The following FKTN variants were observed in gnomAD, a reference collection of about 807,000 sequenced individuals.
The protein encoded by FKTN is ribitol-5-phosphate transferase FKTN.
A neutral mutation model predicts 58.6 loss-of-function variants in FKTN; 47 were observed. That is an observed-to-expected ratio of 0.80 (90% confidence interval 0.63 to 1.02). The LOEUF (loss-of-function observed/expected upper bound fraction) is 1.02, where lower values mean the gene tolerates loss of function less well. FKTN is among the 50% of genes least tolerant of loss of function. The pLI is 0.00. For synonymous variants in FKTN, 178 were observed against 191.9 expected, an observed-to-expected ratio of 0.93 and a Z score of 0.60; for missense variants, 516 against 537.3, an observed-to-expected ratio of 0.96 and a Z score of 0.39.
chr9:105,618,736 G>C (rs1382427467), intron 9 of FKTN, among the ~76,000 whole-genome samples: 1 of 152,098 alleles, frequency 6.6e-6, no homozygotes, highest in East Asian at 1.9e-4. Flanking sequence ...TTCTTAATTT[G>C]CTTGTCCCCT....
chr9:105,638,884 T>C lies in FKTN; in HGVS notation c.*3620T>C, dbSNP rs1834239253. The C allele has an allele frequency of 1.0e-6, 1 of 985,096 alleles. No individual in the cohort carries two copies. Among genetic ancestry groups the C allele is most frequent in the African/African-American group, 1.7e-5 (1 of 57,208 alleles). 61.0% of individuals were successfully genotyped at this position (985,096 alleles called of 1,614,324 possible). Reference sequence around the variant, plus strand: ...CGACTACAGTACTTCAAATGGCACATAGATAGGCAGGATATTACATAGGTA... The same window carrying C: ...CGACTACAGTACTTCAAATGGCACACAGATAGGCAGGATATTACATAGGTA... On this transcript the variant is annotated 3_prime_UTR_variant, in exon 11 of 11. Coordinates refer to ENST00000357998, the MANE Select transcript of FKTN (RefSeq NM_001079802.2).
chr9:105,620,110 T>G (rs958841363), intron 10 of FKTN, 49 bp downstream of exon 10: 4 of 1,501,476 alleles, frequency 2.7e-6, no homozygotes, highest in Non-Finnish European at 3.7e-6. Context: ...AGAAATAATT[T>G]CAGGAGGTAG....
intron 3 of FKTN, among the ~76,000 whole-genome samples, chr9:105,590,742 G>A: frequency 6.6e-6 from 1 of 152,186 alleles, no homozygotes; most frequent in East Asian, 1.9e-4. Flanking sequence ...TAAGTTTAAG[G>A]TGCTATGTTA....
At position 105,638,373 on chromosome 9, in the gene FKTN, T is replaced by G; in HGVS notation, c.*3109T>G. On this transcript the variant is annotated 3_prime_UTR_variant, in exon 11 of 11. Coordinates refer to ENST00000357998, the MANE Select transcript of FKTN (RefSeq NM_001079802.2). ...TTTTCTAGTTCAGAATTCAGAATTC[T>G]TAGGCAACCTTCATACCTTTATCTG... 2.0e-5 allele frequency: 20 copies of G among 985,434 alleles called. No individual in the cohort carries two copies. Among genetic ancestry groups the G allele is most frequent in the Non-Finnish European group, 2.4e-5 (20 of 829,924 alleles). 61.0% of individuals were successfully genotyped at this position (985,434 alleles called of 1,614,324 possible). A position where few individuals can be genotyped will look rare whatever the true frequency, so the allele number is the denominator to read the frequency against.
Position 105,566,235 on chromosome 9 carries a change from A to C in FKTN, c.-180-7420A>C, listed in dbSNP as rs891966441. Among the ~76,000 whole-genome samples the C allele has an allele frequency of 6.6e-5, 10 of 152,194 alleles. No homozygotes were observed. In the East Asian group the frequency reaches 9.6e-4, roughly 15 times the overall value. ...ATTGACACCCTAACATCACAATTAAAAGAACTAGAGAAGCAAGAGCAAACA... is the reference window on the plus strand; with the variant it reads ...ATTGACACCCTAACATCACAATTAACAGAACTAGAGAAGCAAGAGCAAACA... On this transcript the variant is annotated intron_variant, in intron 1 of 10. Transcript: ENST00000357998.
intron 3 of FKTN, among the ~76,000 whole-genome samples, chr9:105,582,110 C>T (rs1448036278): frequency 1.3e-5 from 2 of 152,196 alleles, no homozygotes; most frequent in Non-Finnish European, 2.9e-5. Flanking sequence ...GATGGAAATG[C>T]AGAAATCACC....
chr9:105,624,936 C>T (rs1238333089), intron 10 of FKTN, among the ~76,000 whole-genome samples: 1 of 152,180 alleles, frequency 6.6e-6, no homozygotes, highest in Non-Finnish European at 1.5e-5. Context: ...CTTCAGATTT[C>T]TCCTCTTAAA....
chr9:105,600,301 C>G (rs1205290094), intron 4 of FKTN, among the ~76,000 whole-genome samples: 1 of 152,010 alleles, frequency 6.6e-6, no homozygotes, highest in African/African-American at 2.4e-5. Flanking sequence ...TTTATGAGTT[C>G]CTTCAGATTT....
intron 3 of FKTN, among the ~76,000 whole-genome samples, chr9:105,591,758 T>C (rs920046130): frequency 3.9e-5 from 6 of 152,174 alleles, no homozygotes; most frequent in African/African-American, 1.4e-4. Flanking sequence ...AACCCTGCAT[T>C]TCCCTTCCAC....
intron 1 of FKTN, among the ~76,000 whole-genome samples, chr9:105,563,412 G>T (rs933022367): frequency 6.6e-6 from 1 of 152,184 alleles, no homozygotes; most frequent in Non-Finnish European, 1.5e-5. Flanking sequence ...CCAAGGGAAG[G>T]GGGGACAAAT....
At position 105,637,531 on chromosome 9, in the gene FKTN, T is replaced by C. The variant is rs1834132129; in HGVS notation, c.*2267T>C. 72 of 985,430 alleles carry C rather than the reference T, an allele frequency of 7.3e-5. No individual in the cohort carries two copies. Among genetic ancestry groups the C allele is most frequent in the Non-Finnish European group, 8.4e-5 (70 of 829,908 alleles). The allele number at this position is 985,430 out of a possible 1,614,324, so 61.0% of individuals were successfully genotyped here. On this transcript the variant is annotated 3_prime_UTR_variant, in exon 11 of 11. Coordinates refer to ENST00000357998, the MANE Select transcript of FKTN (RefSeq NM_001079802.2). Reference sequence around the variant, plus strand: ...TCTGATTCATCCATACTTCATCTTATGTATTTTAACAGTTGGGTTCTGTGG... The same window carrying C: ...TCTGATTCATCCATACTTCATCTTACGTATTTTAACAGTTGGGTTCTGTGG...
At chr9:105,582,098 C>G (rs889190728) in intron 3 of FKTN, among the ~76,000 whole-genome samples, 18 of 152,186 alleles carry the variant, frequency 1.2e-4, no homozygotes, top group Admixed American at 3.3e-4. Context: ...CCCGGTACCT[C>G]AGATGGAAAT....
chr9:105,603,099 G>A (rs1455658102), intron 5 of FKTN, among the ~76,000 whole-genome samples: 1 of 152,124 alleles, frequency 6.6e-6, no homozygotes, highest in Non-Finnish European at 1.5e-5. Flanking sequence ...TACTTCTCTT[G>A]TTGATGGTTA....
At position 105,638,293 on chromosome 9, in the gene FKTN, G is replaced by A. The variant is rs1377666273; in HGVS notation, c.*3029G>A. The A allele has an allele frequency of 4.1e-5, 40 of 985,294 alleles. No individual in the cohort carries two copies. Among genetic ancestry groups the A allele is most frequent in the Non-Finnish European group, 4.7e-5 (39 of 829,920 alleles). The allele number at this position is 985,294 out of a possible 1,614,324, so 61.0% of individuals were successfully genotyped here. ...AGTCTCAGGGTGTTTCTGCCGCTTA[G>A]TATCTTTTTGTTCAGATTGAGAACC... On this transcript the variant is annotated 3_prime_UTR_variant, in exon 11 of 11. Transcript: ENST00000357998.
intron 10 of FKTN, among the ~76,000 whole-genome samples, chr9:105,624,640 A>G (rs13287217): frequency 0.017 from 2,534 of 151,650 alleles, 34 homozygotes; most frequent in Admixed American, 0.024. Context: ...AAAAAAAAAA[A>G]AGAAAAAGAA....
At chr9:105,564,754 C>T (rs556025191) in intron 1 of FKTN, among the ~76,000 whole-genome samples, 4 of 152,244 alleles carry the variant, frequency 2.6e-5, no homozygotes, top group South Asian at 2.1e-4. Flanking sequence ...ACTTCCCCAA[C>T]CTAGCAAGGC....
intron 3 of FKTN, among the ~76,000 whole-genome samples, chr9:105,581,535 C>T (rs892462951): frequency 2.0e-5 from 3 of 151,402 alleles, no homozygotes; most frequent in African/African-American, 7.3e-5. Flanking sequence ...CTCAGATCTC[C>T]AGCTGCGTGC....
intron 10 of FKTN, among the ~76,000 whole-genome samples, chr9:105,631,160 C>A (rs1027369861): frequency 6.6e-6 from 1 of 151,916 alleles, no homozygotes; most frequent in Non-Finnish European, 1.5e-5. Flanking sequence ...TCTGAAATTT[C>A]TTTTACCTAA....
At chr9:105,599,443 A>G (rs2132661828) in intron 4 of FKTN, among the ~76,000 whole-genome samples, 1 of 139,096 alleles carries the variant, frequency 7.2e-6, no homozygotes, top group Middle Eastern at 3.9e-3. Context: ...GGTGGACTAT[A>G]CTTTTTTTTG....
Sources: allele counts gnomAD v4.1 joint callset (sites outside exome capture counted in the v4.1 genomes callset), GRCh38; gene constraint gnomAD v4.1.1; transcripts MANE v1.5; gene names NCBI Gene and HGNC (gene_info 2026-07-23, HGNC 2026-07-21).